FRMD4B: variants seen among roughly 807,000 people sequenced by gnomAD.
The protein encoded by FRMD4B is FERM domain-containing protein 4B.
FRMD4B carries 74 observed loss-of-function variants against 141.5 expected under a neutral mutation model. That is an observed-to-expected ratio of 0.52 (90% CI 0.43 to 0.63). The LOEUF (loss-of-function observed/expected upper bound fraction) is 0.63. FRMD4B is among the 30% of genes least tolerant of loss of function. The probability of loss-of-function intolerance (pLI) is 0.00; values close to 1 mark genes in which losing one functional copy is unlikely to be tolerated. For missense variants in FRMD4B, 1,366 were observed against 1,253.4 expected (o/e 1.09, Z -1.36); for synonymous variants, 506 against 467.9 (o/e 1.08, Z -1.05).
intron 1 of FRMD4B, among the ~76,000 whole-genome samples, chr3:69,337,953 C>T (rs1188169486): frequency 6.6e-6 from 1 of 152,234 alleles, no homozygotes; most frequent in Admixed American, 6.5e-5. Flanking sequence ...CATCCCATTA[C>T]TGGGTATATA....
chr3:69,441,909 T>C (rs1705349202), intron 1 of FRMD4B, among the ~76,000 whole-genome samples: 1 of 152,230 alleles, frequency 6.6e-6, no homozygotes, highest in Non-Finnish European at 1.5e-5. Flanking sequence ...ATTTATGTTC[T>C]GCATTCCAGG....
intron 17 of FRMD4B, among the ~76,000 whole-genome samples, chr3:69,191,292 T>C (rs1362023371): frequency 1.3e-5 from 2 of 152,128 alleles, no homozygotes; most frequent in African/African-American, 4.8e-5. Context: ...TGGTGGTGTA[T>C]GCCTGTAATC....
At chr3:69,195,686 G>A (rs1291863521) in intron 14 of FRMD4B, among the ~76,000 whole-genome samples, 2 of 144,180 alleles carry the variant, frequency 1.4e-5, no homozygotes, top group Admixed American at 1.5e-4. Flanking sequence ...TCCTTGAAGA[G>A]TTGTTTCAAG....
chr3:69,214,590 G>A (rs1031153493), intron 11 of FRMD4B, among the ~76,000 whole-genome samples: 1 of 152,178 alleles, frequency 6.6e-6, no homozygotes, highest in African/African-American at 2.4e-5. Flanking sequence ...TGAGCACAGT[G>A]GCTCGTGCCT....
upstream of FRMD4B, among the ~76,000 whole-genome samples, chr3:69,386,576 A>G (rs1271153858): frequency 3.3e-5 from 5 of 151,856 alleles, no homozygotes; most frequent in South Asian, 2.1e-4. Context: ...AGAGAGAGAA[A>G]AAAAAAAATC....
intron 2 of FRMD4B, among the ~76,000 whole-genome samples, chr3:69,412,518 T>C (rs1471154228): frequency 6.6e-6 from 1 of 152,188 alleles, no homozygotes; most frequent in Non-Finnish European, 1.5e-5. Flanking sequence ...CTGCTTCAAG[T>C]ATCCAAGGGA....
At chr3:69,405,944 T>C (rs1447397414) in intron 2 of FRMD4B, among the ~76,000 whole-genome samples, 1 of 152,222 alleles carries the variant, frequency 6.6e-6, no homozygotes, top group Non-Finnish European at 1.5e-5. Flanking sequence ...TTTCAATGAC[T>C]TGGTTATGTG....
At chr3:69,245,354 T>TGAG (rs1491184546) in intron 7 of FRMD4B, among the ~76,000 whole-genome samples, 1 of 148,252 alleles carries the variant, frequency 6.7e-6, no homozygotes, top group African/African-American at 2.6e-5. Context: ...TGTGTGTGTG[T>TGAG]TTTTAGACAG....
At chr3:69,519,847 C>G (rs1339906452) in intron 1 of FRMD4B, among the ~76,000 whole-genome samples, 1 of 151,748 alleles carries the variant, frequency 6.6e-6, no homozygotes, top group Non-Finnish European at 1.5e-5. Context: ...GCCTTTGCAT[C>G]CTCATAGCTT....
intron 1 of FRMD4B, among the ~76,000 whole-genome samples, chr3:69,352,031 A>G (rs992361567): frequency 2.0e-5 from 3 of 152,214 alleles, no homozygotes; most frequent in Admixed American, 6.5e-5. Context: ...ACTTCCCTGC[A>G]TACTTCAAAT....
intron 1 of FRMD4B, among the ~76,000 whole-genome samples, chr3:69,342,282 T>C (rs1057312027): frequency 4.6e-5 from 7 of 152,226 alleles, no homozygotes; most frequent in African/African-American, 1.7e-4. Flanking sequence ...TGATTACTTA[T>C]TTGTGAACTT....
chr3:69,391,510 G>A, intron 2 of FRMD4B, among the ~76,000 whole-genome samples: 1 of 150,268 alleles, frequency 6.7e-6, no homozygotes, highest in African/African-American at 2.4e-5. Flanking sequence ...TTGGTTTTCT[G>A]TCCTTGCGAT....
At chr3:69,504,391 G>A (rs909791354) in intron 1 of FRMD4B, among the ~76,000 whole-genome samples, 2 of 152,066 alleles carry the variant, frequency 1.3e-5, no homozygotes, top group Admixed American at 6.6e-5. Flanking sequence ...TGTATTCAGA[G>A]TTGTGCAACC....
At chr3:69,402,775 G>A (rs1270053574) in intron 2 of FRMD4B, among the ~76,000 whole-genome samples, 1 of 152,102 alleles carries the variant, frequency 6.6e-6, no homozygotes, top group Non-Finnish European at 1.5e-5. Flanking sequence ...TTGGCATCAG[G>A]AGACAGTGCA....
At chr3:69,466,830 G>A (rs1705796892) in intron 1 of FRMD4B, among the ~76,000 whole-genome samples, 1 of 151,936 alleles carries the variant, frequency 6.6e-6, no homozygotes, top group African/African-American at 2.4e-5. Context: ...TGAGTAGCTG[G>A]GACTATAGGC....
chr3:69,472,644 G>C (rs1705911882), intron 1 of FRMD4B: 2 of 166,510 alleles, frequency 1.2e-5, no homozygotes, highest in Admixed American at 1.3e-4. Flanking sequence ...GAAGTTCTCT[G>C]TTTCACTACC....
intron 11 of FRMD4B, among the ~76,000 whole-genome samples, chr3:69,203,131 C>T (rs1001832592): frequency 4.0e-5 from 6 of 149,758 alleles, no homozygotes; most frequent in East Asian, 1.9e-4. Context: ...TTGCTGTAGA[C>T]GATTACAGTT....
intron 2 of FRMD4B, among the ~76,000 whole-genome samples, chr3:69,395,128 C>G (rs1441780389): frequency 6.6e-6 from 1 of 151,800 alleles, no homozygotes; most frequent in Non-Finnish European, 1.5e-5. Flanking sequence ...CACATGTATA[C>G]CTATGTTAAC....
chr3:69,338,636 T>C (rs901657873), intron 1 of FRMD4B, among the ~76,000 whole-genome samples: 3 of 151,806 alleles, frequency 2.0e-5, no homozygotes, highest in African/African-American at 7.3e-5. Context: ...AAACATTGAG[T>C]ACACATGGAC....
Sources: allele counts gnomAD v4.1 joint callset (sites outside exome capture counted in the v4.1 genomes callset), GRCh38; gene constraint gnomAD v4.1.1; transcripts MANE v1.5; gene names NCBI Gene and HGNC (gene_info 2026-07-23, HGNC 2026-07-21).